ELOVL6: variants seen among roughly 807,000 people sequenced by gnomAD.
ELOVL6 encodes the protein very long chain fatty acid elongase 6.
Under a neutral mutation model 31.7 loss-of-function variants are expected in ELOVL6, and 8 were observed. The observed-to-expected ratio is 0.25, with a 90% confidence interval of 0.15 to 0.45. The LOEUF is 0.45. Among genes scored for constraint, ELOVL6 ranks in the 20% least tolerant of loss-of-function variants. ELOVL6 has a pLI of 1.00. For synonymous variants in ELOVL6, 101 were observed against 117.7 expected (o/e 0.86, Z 0.92); for missense variants, 126 against 326.4 (o/e 0.39, Z 4.73).
intron 1 of ELOVL6, among the ~76,000 whole-genome samples, chr4:110,123,120 G>T (rs1255834714): frequency 2.0e-5 from 3 of 152,086 alleles, no homozygotes; most frequent in African/African-American, 7.2e-5. Context: ...TTAATAAATG[G>T]TTTATTTGAT....
chr4:110,069,044 G>C (rs1755387033), intron 2 of ELOVL6, among the ~76,000 whole-genome samples: 1 of 151,694 alleles, frequency 6.6e-6, no homozygotes, highest in Admixed American at 6.6e-5. Context: ...AGGAGGCTGA[G>C]GCTGGAACCT....
intron 1 of ELOVL6, among the ~76,000 whole-genome samples, chr4:110,172,600 G>C (rs1758985247): frequency 6.6e-6 from 1 of 152,142 alleles, no homozygotes; most frequent in Admixed American, 6.6e-5. Context: ...AGAAAGAAGA[G>C]CCTTCTAGGA....
At chr4:110,133,530 G>A (rs565928664) in intron 1 of ELOVL6, among the ~76,000 whole-genome samples, 32 of 152,310 alleles carry the variant, frequency 2.1e-4, no homozygotes, top group Admixed American at 7.8e-4. Flanking sequence ...GCTTTGGGAA[G>A]ATGAGGCTTG....
intron 2 of ELOVL6, among the ~76,000 whole-genome samples, chr4:110,090,435 C>T (rs986138477): frequency 2.0e-5 from 3 of 152,046 alleles, no homozygotes; most frequent in African/African-American, 7.3e-5. Context: ...ATGCCATCCT[C>T]AATAGCATTG....
Position 110,198,539 on chromosome 4 carries a change from G to A in ELOVL6, c.-204C>T. On this transcript the variant is annotated 5_prime_UTR_variant, in exon 1 of 4. Transcript: ENST00000302274. ...AGCATTGCCTGCGCCTCCGCTCCCA[G>A]CTCCTCTCTCTGGGGCTCTCCTCCT... 1 of 533,324 alleles carries A rather than the reference G, an allele frequency of 1.9e-6. No individual in the cohort carries two copies. Among genetic ancestry groups the A allele is most frequent in the East Asian group, 3.3e-5 (1 of 30,744 alleles). 33.0% of individuals were successfully genotyped at this position (533,324 alleles called of 1,614,324 possible). A position where few individuals can be genotyped will look rare whatever the true frequency, so the allele number is the denominator to read the frequency against.
intron 1 of ELOVL6, among the ~76,000 whole-genome samples, chr4:110,131,288 A>AT (rs998469105): frequency 5.3e-5 from 8 of 152,124 alleles, no homozygotes; most frequent in African/African-American, 1.9e-4. Flanking sequence ...TGTGTGGATT[A>AT]TTTTTTTAAT....
intron 2 of ELOVL6, among the ~76,000 whole-genome samples, chr4:110,068,896 A>G (rs540697804): frequency 4.1e-4 from 63 of 152,284 alleles, no homozygotes; most frequent in African/African-American, 1.4e-3. Flanking sequence ...TAATCCCAAC[A>G]CTTTGGAAGA....
intron 1 of ELOVL6, among the ~76,000 whole-genome samples, chr4:110,169,327 C>T (rs958528638): frequency 1.5e-4 from 22 of 151,100 alleles, no homozygotes; most frequent in African/African-American, 4.8e-4. Context: ...CAATCTCTAC[C>T]TCCTGGGTTC....
chr4:110,117,903 A>AAAAAAAAAAAAAAAAAAAATT, intron 1 of ELOVL6: 2 of 6,504 alleles, frequency 3.1e-4, no homozygotes, highest in African/African-American at 6.5e-4. Flanking sequence ...AAAAAAAAAA[A>AAAAAAAAAAAAAAAAAAAATT]ATATATATAT....
chr4:110,097,915 T>C (rs1212504826), intron 2 of ELOVL6, among the ~76,000 whole-genome samples: 2 of 152,176 alleles, frequency 1.3e-5, no homozygotes, highest in Non-Finnish European at 2.9e-5. Context: ...ATTTCTATGG[T>C]TCTTTGATAA....
chr4:110,170,601 C>T (rs1202772403), intron 1 of ELOVL6, among the ~76,000 whole-genome samples: 1 of 152,170 alleles, frequency 6.6e-6, no homozygotes, highest in Non-Finnish European at 1.5e-5. Context: ...TCCTACCTTT[C>T]TTACATTTTT....
Position 110,153,663 on chromosome 4 carries a change from T to A in ELOVL6, c.89+44584A>T, listed in dbSNP as rs370964033. On this transcript the variant is annotated intron_variant, in intron 1 of 3. Coordinates refer to ENST00000302274, the MANE Select transcript of ELOVL6 (RefSeq NM_024090.3). ...TAAAACAGTTTTCTTCTTGGCACCC[T>A]GAAATTGAAGCTTTTGAAACCTTAT... Among the ~76,000 whole-genome samples the A allele has an allele frequency of 3.3e-5, 5 of 152,232 alleles. No individual in the cohort carries two copies. The East Asian group carries it at 5.8e-4, about 18-fold the overall frequency.
At chr4:110,065,806 GA>G (rs890551382) in intron 2 of ELOVL6, among the ~76,000 whole-genome samples, 3 of 152,092 alleles carry the variant, frequency 2.0e-5, no homozygotes, top group Admixed American at 6.5e-5. Flanking sequence ...GCCCTGGGGG[GA>G]AAAAGAGCCT....
At chr4:110,079,619 A>G (rs976443906) in intron 2 of ELOVL6, among the ~76,000 whole-genome samples, 7 of 152,218 alleles carry the variant, frequency 4.6e-5, no homozygotes, top group African/African-American at 1.7e-4. Flanking sequence ...ACAGCACTAA[A>G]TGCCCACAAG....
intron 2 of ELOVL6, among the ~76,000 whole-genome samples, chr4:110,080,775 T>C (rs1329714138): frequency 6.6e-6 from 1 of 152,092 alleles, no homozygotes; most frequent in Non-Finnish European, 1.5e-5. Context: ...TAAAGGGTAT[T>C]CAATTAGGAA....
At chr4:110,179,971 G>C (rs574491513) in intron 1 of ELOVL6, among the ~76,000 whole-genome samples, 3 of 152,288 alleles carry the variant, frequency 2.0e-5, no homozygotes, top group Non-Finnish European at 2.9e-5. Context: ...AGCATTGCTG[G>C]GGAAAAAGGA....
chr4:110,119,158 G>A (rs1287957450), intron 1 of ELOVL6, among the ~76,000 whole-genome samples: 1 of 152,184 alleles, frequency 6.6e-6, no homozygotes, highest in Non-Finnish European at 1.5e-5. Flanking sequence ...TTGGCTGAGT[G>A]CAGTGGGTCA....
intron 1 of ELOVL6, among the ~76,000 whole-genome samples, chr4:110,140,162 TGACTTTGTGTTTCACAGTA>T (rs2126260831): frequency 6.6e-6 from 1 of 152,322 alleles, no homozygotes; most frequent in Admixed American, 6.5e-5. Context: ...CCCCCAAACT[TGACTTTGTGTTTCACAGTA>T]GGTGAAAAAG....
intron 2 of ELOVL6, among the ~76,000 whole-genome samples, chr4:110,077,777 G>A (rs1396281244): frequency 6.6e-6 from 1 of 151,976 alleles, no homozygotes; most frequent in Non-Finnish European, 1.5e-5. Context: ...GGCTTCAGAC[G>A]ATCAAACTAC....
Sources: allele counts gnomAD v4.1 joint callset (sites outside exome capture counted in the v4.1 genomes callset), GRCh38; gene constraint gnomAD v4.1.1; transcripts MANE v1.5; gene names NCBI Gene and HGNC (gene_info 2026-07-23, HGNC 2026-07-21).